Variants in GRIN2A observed in about 807,000 individuals in gnomAD.
GRIN2A encodes glutamate ionotropic receptor NMDA type subunit 2A.
GRIN2A carries 22 observed loss-of-function variants against 113.4 expected under a neutral mutation model. That is an observed-to-expected ratio of 0.19 (90% CI 0.14 to 0.28). The LOEUF (loss-of-function observed/expected upper bound fraction) is 0.28. Among genes scored for constraint, GRIN2A ranks in the 10% least tolerant of loss-of-function variants. The pLI is 1.00. For missense variants in GRIN2A, 1,502 were observed against 1,887.0 expected, an observed-to-expected ratio of 0.80 and a Z score of 3.78; for synonymous variants, 827 against 738.4, an observed-to-expected ratio of 1.12 and a Z score of -1.94.
intron 11 of GRIN2A, among the ~76,000 whole-genome samples, chr16:9,790,979 C>A (rs565342978): frequency 1.3e-5 from 2 of 152,288 alleles, no homozygotes; most frequent in East Asian, 3.9e-4. Flanking sequence ...CCAACAATGG[C>A]ATCTAATGTG....
intron 2 of GRIN2A, among the ~76,000 whole-genome samples, chr16:10,023,543 T>C (rs958760520): frequency 6.6e-6 from 1 of 152,216 alleles, no homozygotes; most frequent in African/African-American, 2.4e-5. Context: ...TTTTCTACTC[T>C]TACTGCTGAT....
intron 9 of GRIN2A, 93 bp downstream of exon 9, chr16:9,829,330 G>A: frequency 2.6e-6 from 2 of 780,820 alleles, no homozygotes; most frequent in South Asian, 3.0e-5. Flanking sequence ...TCGAGTTGAT[G>A]GATCTCAATG....
intron 3 of GRIN2A, among the ~76,000 whole-genome samples, chr16:9,914,062 T>C (rs868043894): frequency 1.2e-4 from 18 of 152,052 alleles, no homozygotes; most frequent in African/African-American, 4.1e-4. Flanking sequence ...CCAAGAATGT[T>C]TGATTTGGAG....
intron 2 of GRIN2A, among the ~76,000 whole-genome samples, chr16:10,096,476 C>G (rs541018873): frequency 1.3e-5 from 2 of 151,254 alleles, no homozygotes; most frequent in East Asian, 1.9e-4. Context: ...GAACCATGGT[C>G]TATATTGATT....
chr16:10,141,475 G>A (rs1032441963), intron 2 of GRIN2A, among the ~76,000 whole-genome samples: 10 of 152,052 alleles, frequency 6.6e-5, no homozygotes, highest in East Asian at 1.9e-4. Flanking sequence ...GCAACAGAGC[G>A]AGACTCCATC....
chr16:10,111,045 G>A (rs574626606), intron 2 of GRIN2A, among the ~76,000 whole-genome samples: 2 of 152,316 alleles, frequency 1.3e-5, no homozygotes, highest in Admixed American at 1.3e-4. Context: ...GTGGAGCTAA[G>A]AATACTCTTA....
At chr16:10,128,519 A>G (rs545962587) in intron 2 of GRIN2A, among the ~76,000 whole-genome samples, 2 of 152,322 alleles carry the variant, frequency 1.3e-5, no homozygotes, top group East Asian at 3.9e-4. Flanking sequence ...TAGATGCTCC[A>G]TTCACTGGAA....
intron 2 of GRIN2A, among the ~76,000 whole-genome samples, chr16:10,027,110 T>G (rs2046836990): frequency 6.6e-6 from 1 of 152,230 alleles, no homozygotes; most frequent in African/African-American, 2.4e-5. Context: ...AAGACAGGTT[T>G]GTTGACTGCT....
intron 3 of GRIN2A, among the ~76,000 whole-genome samples, chr16:9,917,514 C>T (rs566006563): frequency 2.6e-5 from 4 of 152,346 alleles, no homozygotes; most frequent in African/African-American, 9.6e-5. Flanking sequence ...TATCGCCTAC[C>T]TCACAGCTAC....
At chr16:10,023,007 A>C (rs1221411923) in intron 2 of GRIN2A, among the ~76,000 whole-genome samples, 2 of 152,186 alleles carry the variant, frequency 1.3e-5, no homozygotes, top group African/African-American at 2.4e-5. Flanking sequence ...AAAGGAGAAA[A>C]TCCTACTAAT....
chr16:10,168,431 C>A (rs1567345889), intron 2 of GRIN2A, among the ~76,000 whole-genome samples: 1 of 152,066 alleles, frequency 6.6e-6, no homozygotes, highest in East Asian at 1.9e-4. Context: ...GCTTGGAGAT[C>A]TTTTTTTAAA....
At position 9,761,373 on chromosome 16, in the gene GRIN2A, A is replaced by C. The variant is rs1048439298; in HGVS notation, c.*1776T>G. The C allele has an allele frequency of 8.7e-6, 2 of 230,424 alleles. No homozygotes were observed. Among genetic ancestry groups the C allele is most frequent in the Non-Finnish European group, 1.7e-5 (2 of 116,364 alleles). The allele number at this position is 230,424 out of a possible 1,614,324, so 14.3% of individuals were successfully genotyped here. ...TCTTCAAGAATGTAAAGCAGAATGC[A>C]GGAGGAAACCAGGAAATGGCCAGGC... On this transcript the variant is annotated 3_prime_UTR_variant, in exon 13 of 13. Transcript: ENST00000330684.
At chr16:9,785,732 A>G (rs979130521) in intron 11 of GRIN2A, among the ~76,000 whole-genome samples, 3 of 152,206 alleles carry the variant, frequency 2.0e-5, no homozygotes, top group Admixed American at 6.5e-5. Flanking sequence ...AATAAAAAAA[A>G]CCCTTAATGT....
chr16:10,158,887 A>C (rs1254291098), intron 2 of GRIN2A, among the ~76,000 whole-genome samples: 2 of 152,226 alleles, frequency 1.3e-5, no homozygotes, highest in Admixed American at 6.5e-5. Flanking sequence ...TGAATTGTTC[A>C]CTTTAAAATG....
chr16:10,007,533 C>G (rs1356575913), intron 2 of GRIN2A, among the ~76,000 whole-genome samples: 5 of 152,074 alleles, frequency 3.3e-5, no homozygotes, highest in Non-Finnish European at 5.9e-5. Flanking sequence ...GGTTATTAAT[C>G]CCTTGCCAGA....
At chr16:10,094,433 A>G (rs1271966296) in intron 2 of GRIN2A, among the ~76,000 whole-genome samples, 1 of 151,332 alleles carries the variant, frequency 6.6e-6, no homozygotes, top group African/African-American at 2.4e-5. Flanking sequence ...CTGACTGCAT[A>G]TTATTCTCAC....
chr16:9,983,052 G>T (rs2045919556), intron 2 of GRIN2A, among the ~76,000 whole-genome samples: 1 of 152,168 alleles, frequency 6.6e-6, no homozygotes, highest in Non-Finnish European at 1.5e-5. Flanking sequence ...TGTATACAAT[G>T]TGTAATGATC....
chr16:9,952,244 A>G (rs764659963), intron 2 of GRIN2A, among the ~76,000 whole-genome samples: 7 of 152,132 alleles, frequency 4.6e-5, no homozygotes, highest in Non-Finnish European at 8.8e-5. Flanking sequence ...GGGAATGCAG[A>G]GGAAGGGGAC....
At chr16:10,039,808 GGAGAAA>G (rs1203356192) in intron 2 of GRIN2A, among the ~76,000 whole-genome samples, 2 of 63,812 alleles carry the variant, frequency 3.1e-5, no homozygotes, top group Non-Finnish European at 5.9e-5. Flanking sequence ...GGGAGGGGGG[GGAGAAA>G]GAGAGAGAGA....
Sources: allele counts gnomAD v4.1 joint callset (sites outside exome capture counted in the v4.1 genomes callset), GRCh38; gene constraint gnomAD v4.1.1; transcripts MANE v1.5; gene names NCBI Gene and HGNC (gene_info 2026-07-23, HGNC 2026-07-21).